FMN2: variants seen among roughly 807,000 people sequenced by gnomAD.
FMN2 encodes formin-2.
Under a neutral mutation model 142.3 loss-of-function variants are expected in FMN2, and 51 were observed. The ratio of observed to expected loss-of-function variants is 0.36; its 90% CI spans 0.29 to 0.45. FMN2 has a LOEUF of 0.45. Among genes scored for constraint, FMN2 ranks in the 20% least tolerant of loss-of-function variants. FMN2 has a pLI of 1.00. For missense variants in FMN2, 1,936 were observed against 2,122.8 expected (o/e 0.91, Z 1.73); for synonymous variants, 882 against 869.8 (o/e 1.01, Z -0.25).
intron 2 of FMN2, among the ~76,000 whole-genome samples, chr1:240,161,415 C>T (rs1374076626): frequency 6.6e-6 from 1 of 151,992 alleles, no homozygotes; most frequent in African/African-American, 2.4e-5. Flanking sequence ...TGCCTGTAGT[C>T]CCAGCTACTC....
At chr1:240,153,125 G>A (rs986794141) in intron 2 of FMN2, among the ~76,000 whole-genome samples, 5 of 152,132 alleles carry the variant, frequency 3.3e-5, no homozygotes, top group Non-Finnish European at 7.4e-5. Context: ...TTGCTGTGTG[G>A]CACTGGCTGG....
intron 3 of FMN2, 32 bp from the exon 4 acceptor site, chr1:240,188,175 G>A (rs1215920870): frequency 5.0e-6 from 8 of 1,608,292 alleles, no homozygotes; most frequent in Non-Finnish European, 6.8e-6. Flanking sequence ...TGTCCTTTAA[G>A]ATACTGACTG....
intron 7 of FMN2, among the ~76,000 whole-genome samples, chr1:240,276,754 C>G (rs1181282134): frequency 6.6e-6 from 1 of 152,096 alleles, no homozygotes; most frequent in African/African-American, 2.4e-5. Context: ...AGATTATATA[C>G]TGCTTGAATC....
chr1:240,113,557 C>CAAAAAA (rs34741987), intron 1 of FMN2, among the ~76,000 whole-genome samples: 3 of 88,488 alleles, frequency 3.4e-5, no homozygotes, highest in Non-Finnish European at 4.1e-5. Context: ...GACTCCGTCT[C>CAAAAAA]AAAAAAAAAA....
chr1:240,353,927 C>A (rs1672181799), intron 13 of FMN2, among the ~76,000 whole-genome samples: 1 of 152,050 alleles, frequency 6.6e-6, no homozygotes, highest in South Asian at 2.1e-4. Flanking sequence ...GAATGCTGTT[C>A]AGGGGCAGTT....
At chr1:240,439,728 C>T (rs943437143) in intron 16 of FMN2, among the ~76,000 whole-genome samples, 1 of 152,136 alleles carries the variant, frequency 6.6e-6, no homozygotes, top group African/African-American at 2.4e-5. Flanking sequence ...TAAAAATAAG[C>T]GTATGCGAAT....
intron 6 of FMN2, among the ~76,000 whole-genome samples, chr1:240,241,843 T>C (rs1369133061): frequency 0.016 from 1,670 of 103,038 alleles, 103 homozygotes; most frequent in African/African-American, 0.059. Context: ...TTTTTTTTTT[T>C]TTTTTTTTTT....
intron 6 of FMN2, among the ~76,000 whole-genome samples, chr1:240,233,419 G>A (rs370734375): frequency 1.3e-5 from 2 of 151,874 alleles, no homozygotes; most frequent in Admixed American, 1.3e-4. Flanking sequence ...CTGTGTATGG[G>A]TCTATCTTCC....
At chr1:240,449,159 G>A (rs753981047) in intron 16 of FMN2, among the ~76,000 whole-genome samples, 1 of 151,488 alleles carries the variant, frequency 6.6e-6, no homozygotes, top group Non-Finnish European at 1.5e-5. Flanking sequence ...AAAAAAAAGT[G>A]GTTAAAGTAC....
At chr1:240,138,822 A>T (rs1663061981) in intron 2 of FMN2, among the ~76,000 whole-genome samples, 1 of 152,234 alleles carries the variant, frequency 6.6e-6, no homozygotes, top group Non-Finnish European at 1.5e-5. Context: ...CCTTTAACAA[A>T]TCATACATCT....
chr1:240,137,823 A>G (rs1279878990), intron 2 of FMN2, among the ~76,000 whole-genome samples: 1 of 152,004 alleles, frequency 6.6e-6, no homozygotes, highest in Non-Finnish European at 1.5e-5. Flanking sequence ...CAGGGGCGGT[A>G]GCTCACACCT....
At chr1:240,233,702 G>A (rs1015347425) in intron 6 of FMN2, among the ~76,000 whole-genome samples, 1 of 152,002 alleles carries the variant, frequency 6.6e-6, no homozygotes, top group Admixed American at 6.6e-5. Context: ...TTAATTAGTA[G>A]GACCTTACAA....
At chr1:240,325,703 A>G (rs1314629820) in intron 8 of FMN2, among the ~76,000 whole-genome samples, 2 of 152,200 alleles carry the variant, frequency 1.3e-5, no homozygotes, top group Non-Finnish European at 2.9e-5. Flanking sequence ...GCTCTCGTGC[A>G]GTAAGGCATC....
chr1:240,412,334 G>C (rs1217118719), intron 15 of FMN2, among the ~76,000 whole-genome samples: 1 of 152,162 alleles, frequency 6.6e-6, no homozygotes, highest in Non-Finnish European at 1.5e-5. Flanking sequence ...GAGCTGTATT[G>C]CAACGGACTG....
intron 15 of FMN2, among the ~76,000 whole-genome samples, chr1:240,435,310 CA>C (rs1396208371): frequency 1.3e-5 from 2 of 151,186 alleles, no homozygotes; most frequent in Non-Finnish European, 2.9e-5. Context: ...CTTTATATAA[CA>C]GAGCCAAGAA....
intron 2 of FMN2, among the ~76,000 whole-genome samples, chr1:240,161,101 T>C (rs1431736019): frequency 1.3e-5 from 2 of 152,030 alleles, no homozygotes; most frequent in Non-Finnish European, 2.9e-5. Flanking sequence ...AGATTTATCA[T>C]GTTTATGGTT....
At position 240,220,623 on chromosome 1, in the gene FMN2, A is replaced by G. The variant is rs186531989; in HGVS notation, c.4065+9388A>G. ...GAAAGCATTCGCTAACCTCATACAG[A>G]CCCACCAAAACCAAGCGGAAGCTTC... On this transcript the variant is annotated intron_variant, in intron 6 of 17. Coordinates refer to ENST00000319653, the MANE Select transcript of FMN2 (RefSeq NM_020066.5). 1.5e-3 allele frequency among the ~76,000 whole-genome samples: 231 copies of G among 151,644 alleles called. 1 individual carries two copies. Among genetic ancestry groups the G allele is most frequent in the African/African-American group, 5.2e-3 (214 of 41,294 alleles).
chr1:240,113,534 G>A (rs1661897439), intron 1 of FMN2, among the ~76,000 whole-genome samples: 1 of 147,788 alleles, frequency 6.8e-6, no homozygotes, highest in Non-Finnish European at 1.5e-5. Context: ...CTCCAGCCTG[G>A]GGGACAGAGC....
chr1:240,142,261 A>C (rs1225211767), intron 2 of FMN2, among the ~76,000 whole-genome samples: 1 of 152,136 alleles, frequency 6.6e-6, no homozygotes, highest in African/African-American at 2.4e-5. Context: ...GCATGAAAAG[A>C]GGGTGTCTTT....
Sources: allele counts gnomAD v4.1 joint callset (sites outside exome capture counted in the v4.1 genomes callset), GRCh38; gene constraint gnomAD v4.1.1; transcripts MANE v1.5; gene names NCBI Gene and HGNC (gene_info 2026-07-23, HGNC 2026-07-21).